PTPRM: variants seen among roughly 807,000 people sequenced by gnomAD.
PTPRM encodes receptor-type tyrosine-protein phosphatase mu.
A neutral mutation model predicts 186.7 loss-of-function variants in PTPRM; 47 were observed. That is an observed-to-expected ratio of 0.25 (90% confidence interval 0.20 to 0.32). PTPRM has a LOEUF of 0.32. Ranked by LOEUF, PTPRM falls within the 10% of genes least tolerant of loss-of-function variation. The pLI is 1.00. For missense variants in PTPRM, 1,494 were observed against 1,865.0 expected (o/e 0.80, Z 3.66); for synonymous variants, 668 against 674.9 (o/e 0.99, Z 0.16).
chr18:8,150,558 C>T (rs1219527956), intron 14 of PTPRM, among the ~76,000 whole-genome samples: 2 of 152,150 alleles, frequency 1.3e-5, no homozygotes, highest in African/African-American at 4.8e-5. Flanking sequence ...AACCTTTTCT[C>T]AAGGTTCTTA....
At chr18:7,596,867 CT>C (rs908246085) in intron 1 of PTPRM, among the ~76,000 whole-genome samples, 32 of 148,462 alleles carry the variant, frequency 2.2e-4, no homozygotes, top group African/African-American at 7.4e-4. Context: ...CCTTTATTTT[CT>C]TTTTTTTCAG....
intron 19 of PTPRM, among the ~76,000 whole-genome samples, chr18:8,262,032 T>G (rs2094637783): frequency 6.6e-6 from 1 of 152,134 alleles, no homozygotes; most frequent in Non-Finnish European, 1.5e-5. Context: ...GTCCTCCTGC[T>G]TTTGATTAGT....
At chr18:7,841,281 CTTTTTT>C (rs34688860) in intron 2 of PTPRM, among the ~76,000 whole-genome samples, 4 of 70,200 alleles carry the variant, frequency 5.7e-5, no homozygotes, top group African/African-American at 1.3e-4. Flanking sequence ...CAAATCATTT[CTTTTTT>C]TTTTTTTTTT....
Position 8,210,390 on chromosome 18 carries a change from G to A in PTPRM, c.2301-33668G>A, listed in dbSNP as rs182000206. Among the ~76,000 whole-genome samples, 13 of 152,236 alleles carry A rather than the reference G, an allele frequency of 8.5e-5. No individual in the cohort carries two copies. In the East Asian group the frequency reaches 2.5e-3, roughly 29 times the overall value. ...GAGACACGGGGAGAAGGCTGCGGGAGGACAGAGGCAGAGATTGGAGGGGTC... is the reference window on the plus strand; with the variant it reads ...GAGACACGGGGAGAAGGCTGCGGGAAGACAGAGGCAGAGATTGGAGGGGTC... On this transcript the variant is annotated intron_variant, in intron 14 of 32. Coordinates refer to ENST00000580170, the MANE Select transcript of PTPRM (RefSeq NM_001105244.2).
intron 7 of PTPRM, among the ~76,000 whole-genome samples, chr18:7,966,485 A>C (rs1599761296): frequency 6.6e-6 from 1 of 152,094 alleles, no homozygotes. Context: ...GCTCCGGTCT[A>C]CAGCTCCCAG....
intron 1 of PTPRM, among the ~76,000 whole-genome samples, chr18:7,621,986 AC>A (rs2037951136): frequency 6.6e-6 from 1 of 152,144 alleles, no homozygotes; most frequent in South Asian, 2.1e-4. Context: ...ACTATCAAGA[AC>A]TGTGATTGCT....
At chr18:7,679,811 C>T (rs1226551510) in intron 1 of PTPRM, among the ~76,000 whole-genome samples, 2 of 152,072 alleles carry the variant, frequency 1.3e-5, no homozygotes, top group African/African-American at 4.8e-5. Flanking sequence ...GAAGACTGTG[C>T]TCCATTAGCT....
chr18:7,894,536 A>T (rs1187367701), intron 3 of PTPRM, among the ~76,000 whole-genome samples: 2 of 152,018 alleles, frequency 1.3e-5, no homozygotes, highest in African/African-American at 4.8e-5. Flanking sequence ...CAGTGAGCCG[A>T]GATTGCGCCA....
chr18:8,269,777 G>A (rs1489521360), intron 19 of PTPRM, among the ~76,000 whole-genome samples: 4 of 151,870 alleles, frequency 2.6e-5, no homozygotes, highest in Admixed American at 1.3e-4. Context: ...AAGAATACAC[G>A]ATGGGGAAAG....
intron 14 of PTPRM, among the ~76,000 whole-genome samples, chr18:8,194,396 A>G (rs1226958408): frequency 3.9e-5 from 6 of 152,242 alleles, no homozygotes; most frequent in African/African-American, 1.4e-4. Flanking sequence ...CCAAGAGCTG[A>G]TATGTGGAAA....
Position 8,379,153 on chromosome 18 carries a change from C to A in PTPRM, c.3613-14C>A. On this transcript the variant is annotated splice_polypyrimidine_tract_variant and intron_variant, in intron 27 of 32. Transcript: ENST00000580170. Reference sequence around the variant, plus strand: ...AGGCTTCTTGTCCTCATGTTCCTTTCTTTTCTCACGCAGACGCTAAACATG... The same window carrying A: ...AGGCTTCTTGTCCTCATGTTCCTTTATTTTCTCACGCAGACGCTAAACATG... 1 of 1,568,766 alleles carries A rather than the reference C, an allele frequency of 6.4e-7. No individual in the cohort carries two copies. The highest frequency in any genetic ancestry group is 1.2e-5 in the South Asian group (1 of 84,390).
chr18:7,799,711 A>T (rs556873329), intron 2 of PTPRM, among the ~76,000 whole-genome samples: 46 of 151,964 alleles, frequency 3.0e-4, no homozygotes, highest in Admixed American at 9.2e-4. Context: ...TTGTCTTTTT[A>T]AAAAAAATGT....
chr18:8,113,814 A>G, intron 12 of PTPRM, 55 bp downstream of exon 12: 3 of 1,469,022 alleles, frequency 2.0e-6, no homozygotes, highest in African/African-American at 1.4e-5. Flanking sequence ...TAATGTGAAC[A>G]TAGATTAAGT....
At chr18:7,872,896 G>C (rs991085371) in intron 2 of PTPRM, among the ~76,000 whole-genome samples, 1 of 152,142 alleles carries the variant, frequency 6.6e-6, no homozygotes, top group South Asian at 2.1e-4. Context: ...AGCCACATGA[G>C]TGTTATTATA....
chr18:7,941,474 GCAT>G (rs2052170921), intron 5 of PTPRM, among the ~76,000 whole-genome samples: 1 of 152,240 alleles, frequency 6.6e-6, no homozygotes. Context: ...TTACAGGGAA[GCAT>G]CAGATGCACA....
At chr18:7,999,096 C>T (rs936007147) in intron 7 of PTPRM, among the ~76,000 whole-genome samples, 1 of 152,186 alleles carries the variant, frequency 6.6e-6, no homozygotes, top group Non-Finnish European at 1.5e-5. Context: ...GCTCAGGACA[C>T]AGGTGGGAAC....
chr18:7,943,395 G>A (rs1362840881), intron 5 of PTPRM, among the ~76,000 whole-genome samples: 1 of 152,038 alleles, frequency 6.6e-6, no homozygotes, highest in Non-Finnish European at 1.5e-5. Context: ...TTCCAAAGTG[G>A]GGTACTCTAC....
At chr18:8,344,448 G>GTGTGTGTATATATATATATATA (rs1360655194) in intron 23 of PTPRM, among the ~76,000 whole-genome samples, 59 of 33,386 alleles carry the variant, frequency 1.8e-3, no homozygotes, top group African/African-American at 3.9e-3. Context: ...GTGTGTGTGT[G>GTGTGTGTATATATATATATATA]TATATATATA....
chr18:8,273,267 C>T (rs1382803356), intron 19 of PTPRM, among the ~76,000 whole-genome samples: 1 of 152,098 alleles, frequency 6.6e-6, no homozygotes, highest in Non-Finnish European at 1.5e-5. Context: ...TAGGCTTCTC[C>T]CCCACCCTAC....
Sources: gnomAD v4.1 joint callset for allele counts (sites outside exome capture counted in the v4.1 genomes callset) on GRCh38, gnomAD v4.1.1 for gene constraint, MANE v1.5 for transcripts, NCBI Gene and HGNC (gene_info 2026-07-23, HGNC 2026-07-21) for gene names.